SPOCK1: variants seen among roughly 807,000 people sequenced by gnomAD.
SPOCK1 encodes testican-1.
Under a neutral mutation model 55.3 loss-of-function variants are expected in SPOCK1, and 23 were observed. The observed-to-expected ratio is 0.42, with a 90% CI of 0.30 to 0.59. The LOEUF is 0.59. SPOCK1 is among the 20% of genes least tolerant of loss of function. The probability of loss-of-function intolerance (pLI) is 0.22; values close to 1 mark genes in which losing one functional copy is unlikely to be tolerated. For missense variants in SPOCK1, 499 were observed against 552.5 expected, an observed-to-expected ratio of 0.90 and a Z score of 0.97; for synonymous variants, 226 against 221.0, an observed-to-expected ratio of 1.02 and a Z score of -0.20.
intron 6 of SPOCK1, among the ~76,000 whole-genome samples, chr5:137,067,210 A>G (rs1332685422): frequency 6.6e-6 from 1 of 152,140 alleles, no homozygotes; most frequent in Non-Finnish European, 1.5e-5. Context: ...CAGAAGAGAA[A>G]CAGTTACCCT....
chr5:137,165,848 T>C (rs1461320042), intron 3 of SPOCK1, among the ~76,000 whole-genome samples: 3 of 151,962 alleles, frequency 2.0e-5, no homozygotes, highest in Non-Finnish European at 4.4e-5. Context: ...GCAGGCCATT[T>C]GAAAACACAC....
chr5:137,459,902 G>A (rs937438195), intron 2 of SPOCK1, among the ~76,000 whole-genome samples: 3 of 152,174 alleles, frequency 2.0e-5, no homozygotes. Flanking sequence ...TGTTCCTGGA[G>A]TGCTAGGATA....
intron 2 of SPOCK1, among the ~76,000 whole-genome samples, chr5:137,308,199 T>C (rs1757731446): frequency 6.6e-6 from 1 of 152,176 alleles, no homozygotes; most frequent in Non-Finnish European, 1.5e-5. Flanking sequence ...TAAAAAGATA[T>C]CATCTCATTA....
At chr5:137,260,986 G>T (rs1756733713) in intron 3 of SPOCK1, among the ~76,000 whole-genome samples, 1 of 152,130 alleles carries the variant, frequency 6.6e-6, no homozygotes. Flanking sequence ...AGGCAAAGGT[G>T]AGAGGGAGAA....
chr5:137,002,068 G>C (rs1040075659), intron 6 of SPOCK1, among the ~76,000 whole-genome samples: 2 of 152,112 alleles, frequency 1.3e-5, no homozygotes, highest in Non-Finnish European at 2.9e-5. Context: ...GTAAAAACAG[G>C]CATGAGCAAA....
At chr5:136,997,921 C>T (rs1173946689) in intron 6 of SPOCK1, among the ~76,000 whole-genome samples, 1 of 152,190 alleles carries the variant, frequency 6.6e-6, no homozygotes, top group Non-Finnish European at 1.5e-5. Flanking sequence ...CAGTTCCTGG[C>T]ATGAAGAAAG....
At chr5:137,089,359 A>G (rs1197655149) in intron 5 of SPOCK1, among the ~76,000 whole-genome samples, 2 of 152,220 alleles carry the variant, frequency 1.3e-5, no homozygotes, top group African/African-American at 2.4e-5. Flanking sequence ...TTGTGGTGAC[A>G]GCTCCCATCT....
intron 2 of SPOCK1, among the ~76,000 whole-genome samples, chr5:137,463,672 G>A (rs570385124): frequency 5.9e-5 from 9 of 152,250 alleles, no homozygotes; most frequent in East Asian, 1.9e-4. Context: ...AAAAGAGGCC[G>A]GGCGTGGTTG....
chr5:137,086,826 C>A (rs1752970161), intron 5 of SPOCK1, among the ~76,000 whole-genome samples: 1 of 152,142 alleles, frequency 6.6e-6, no homozygotes, highest in Non-Finnish European at 1.5e-5. Context: ...TTCTACTACA[C>A]CTTATTCTTA....
chr5:137,474,959 A>G (rs1693086108), intron 2 of SPOCK1, among the ~76,000 whole-genome samples: 1 of 152,198 alleles, frequency 6.6e-6, no homozygotes, highest in African/African-American at 2.4e-5. Context: ...AGGTCTTTTG[A>G]GGAACAGGAT....
At chr5:136,989,336 T>TAACACTTAGCTCAACACTCGGGATA (rs1554091353) in intron 7 of SPOCK1, among the ~76,000 whole-genome samples, 1 of 152,194 alleles carries the variant, frequency 6.6e-6, no homozygotes, top group Non-Finnish European at 1.5e-5. Flanking sequence ...ACTAAAATAA[T>TAACACTTAGCTCAACACTCGGGATA]AACACTTAGC....
chr5:137,344,373 G>A (rs1750507820), intron 2 of SPOCK1, among the ~76,000 whole-genome samples: 1 of 152,268 alleles, frequency 6.6e-6, no homozygotes, highest in Non-Finnish European at 1.5e-5. Flanking sequence ...ACATTTGCGT[G>A]AATAACCTTC....
At chr5:137,306,651 G>T (rs1443267741) in intron 2 of SPOCK1, among the ~76,000 whole-genome samples, 1 of 151,200 alleles carries the variant, frequency 6.6e-6, no homozygotes, top group East Asian at 1.9e-4. Context: ...CATAACATAT[G>T]GGGAAATTTT....
intron 2 of SPOCK1, among the ~76,000 whole-genome samples, chr5:137,318,248 C>T (rs77474223): frequency 7.9e-4 from 121 of 152,270 alleles, no homozygotes; most frequent in African/African-American, 2.6e-3. Flanking sequence ...TAAAGTGCTG[C>T]GCAGTGGCTG....
chr5:137,052,194 T>C (rs893532817), intron 6 of SPOCK1, among the ~76,000 whole-genome samples: 2 of 152,326 alleles, frequency 1.3e-5, no homozygotes, highest in East Asian at 3.9e-4. Flanking sequence ...CCCTTATGAT[T>C]GAGGTTGCCT....
chr5:137,472,834 CCA>C (rs1317706872), intron 2 of SPOCK1, among the ~76,000 whole-genome samples: 1 of 152,146 alleles, frequency 6.6e-6, no homozygotes, highest in African/African-American at 2.4e-5. Context: ...CATAAAATGT[CCA>C]CACAGAATAT....
intron 2 of SPOCK1, among the ~76,000 whole-genome samples, chr5:137,455,924 G>C (rs1753355737): frequency 6.6e-6 from 1 of 152,088 alleles, no homozygotes; most frequent in South Asian, 2.1e-4. Flanking sequence ...AGCTACACGG[G>C]AGGTGAAGCA....
chr5:137,202,369 G>A (rs747301256), intron 3 of SPOCK1, among the ~76,000 whole-genome samples: 22 of 152,166 alleles, frequency 1.4e-4, no homozygotes, highest in Non-Finnish European at 2.8e-4. Context: ...TGTTTTTCTT[G>A]TGTTGGAAAT....
intron 3 of SPOCK1, among the ~76,000 whole-genome samples, chr5:137,256,864 C>A (rs1756644817): frequency 6.6e-6 from 1 of 152,162 alleles, no homozygotes; most frequent in East Asian, 1.9e-4. Flanking sequence ...ACAAACAGCC[C>A]AAAGGCACAT....
Sources: gnomAD v4.1 joint callset for allele counts (sites outside exome capture counted in the v4.1 genomes callset) on GRCh38, gnomAD v4.1.1 for gene constraint, MANE v1.5 for transcripts, NCBI Gene and HGNC (gene_info 2026-07-23, HGNC 2026-07-21) for gene names.